COLGALT2: variants seen among roughly 807,000 people sequenced by gnomAD.
The protein encoded by COLGALT2 is collagen beta(1-O)galactosyltransferase 2, also known as procollagen galactosyltransferase 2.
In COLGALT2, 49 loss-of-function variants were observed where a neutral mutation model predicts 73.4. The observed-to-expected ratio is 0.67, with a 90% CI of 0.53 to 0.85. COLGALT2 has a LOEUF of 0.85. Ranked by LOEUF, COLGALT2 falls within the 40% of genes least tolerant of loss-of-function variation. The pLI is 0.00. For missense variants in COLGALT2, 722 were observed against 790.2 expected, an observed-to-expected ratio of 0.91 and a Z score of 1.03; for synonymous variants, 295 against 307.6, an observed-to-expected ratio of 0.96 and a Z score of 0.43.
chr1:183,964,196 C>T lies in COLGALT2; in HGVS notation c.833-176G>A, dbSNP rs1441180135. 1.5e-5 allele frequency: 8 copies of T among 542,214 alleles called. No homozygotes were observed. In the East Asian group the frequency reaches 2.0e-4, roughly 13 times the overall value. 33.6% of individuals were successfully genotyped at this position (542,214 alleles called of 1,614,324 possible). A position where few individuals can be genotyped will look rare whatever the true frequency, so the allele number is the denominator to read the frequency against. ...ATGCTCCTTTATTAAAAAAGTAAAA[C>T]ACAGCATTGGGGACTAATAAAAACA... On this transcript the variant is annotated intron_variant, in intron 5 of 11. Coordinates refer to ENST00000361927, the MANE Select transcript of COLGALT2 (RefSeq NM_015101.4).
chr1:184,000,501 A>G (rs1671890155), intron 1 of COLGALT2, among the ~76,000 whole-genome samples: 1 of 134,012 alleles, frequency 7.5e-6, no homozygotes, highest in Admixed American at 7.6e-5. Flanking sequence ...CCCCATCCCA[A>G]ATGAAATATT....
At position 184,024,477 on chromosome 1, in the gene COLGALT2, C is replaced by T. The variant is rs12097356; in HGVS notation, c.263+12618G>A. Among the ~76,000 whole-genome samples the T allele has an allele frequency of 1.3e-3, 198 of 151,646 alleles. 3 individuals carry two copies. Among genetic ancestry groups the T allele is most frequent in the African/African-American group, 4.5e-3 (185 of 41,340 alleles). On this transcript the variant is annotated intron_variant, in intron 1 of 11. Coordinates refer to ENST00000361927, the MANE Select transcript of COLGALT2 (RefSeq NM_015101.4). ...AAGTGATTCTCCTGCCTCAGCCTCCCGAGTAGCTGAGATTACAGGTGCCCA... is the reference window on the plus strand; with the variant it reads ...AAGTGATTCTCCTGCCTCAGCCTCCTGAGTAGCTGAGATTACAGGTGCCCA...
At chr1:184,003,875 A>G (rs1671996376) in intron 1 of COLGALT2, among the ~76,000 whole-genome samples, 1 of 152,214 alleles carries the variant, frequency 6.6e-6, no homozygotes, top group Admixed American at 6.5e-5. Flanking sequence ...CGACTCTGAA[A>G]GCCCAAATCC....
At chr1:183,999,083 A>G (rs544917684) in intron 1 of COLGALT2, among the ~76,000 whole-genome samples, 2 of 152,124 alleles carry the variant, frequency 1.3e-5, no homozygotes, top group Admixed American at 1.3e-4. Context: ...GATATTTGTT[A>G]CAGTCTGCTT....
In COLGALT2 at chr1:183,978,508, A is replaced by G; in HGVS notation, c.276T>C (p.Asp92=). The change falls in exon 2 of 12, where the codon GAT becomes GAC. Residue 92 remains aspartate (D), a synonymous_variant. Transcript: ENST00000361927. ...KSRMAIWAAT[D]HNVDNTTEIF... The stretch of plus-strand genomic sequence containing the variant: ...TTTCTGTTGTATTATCCACATTGTG[A>G]TCAGTGGCTGCCCTGCATGAGAGAA... 6.2e-7 allele frequency: 1 copy of G among 1,600,940 alleles called. No individual in the cohort carries two copies. Among genetic ancestry groups the G allele is most frequent in the Non-Finnish European group, 8.6e-7 (1 of 1,169,006 alleles).
chr1:183,937,982 A>G lies in COLGALT2; in HGVS notation c.*779T>C. 2 of 985,426 alleles carry G rather than the reference A, an allele frequency of 2.0e-6. No homozygotes were observed. Among genetic ancestry groups the G allele is most frequent in the South Asian group, 9.4e-5 (2 of 21,278 alleles). 61.0% of individuals were successfully genotyped at this position (985,426 alleles called of 1,614,324 possible). On this transcript the variant is annotated 3_prime_UTR_variant, in exon 12 of 12. Coordinates refer to ENST00000361927, the MANE Select transcript of COLGALT2 (RefSeq NM_015101.4). ...CCCTTTATATATTACATTTATCTTTATAAATAGAGCATCCTGACTCGAGTG... is the reference window on the plus strand; with the variant it reads ...CCCTTTATATATTACATTTATCTTTGTAAATAGAGCATCCTGACTCGAGTG...
chr1:183,971,469 C>A (rs1671035660), intron 4 of COLGALT2, among the ~76,000 whole-genome samples: 1 of 152,116 alleles, frequency 6.6e-6, no homozygotes, highest in Non-Finnish European at 1.5e-5. Context: ...ACTAGGATAA[C>A]CCACCCTTGT....
chr1:183,945,499 T>C lies in COLGALT2; in HGVS notation c.1202A>G (p.Tyr401Cys), dbSNP rs781711279. Residue 401 changes from tyrosine to cysteine, a missense_variant, in exon 9 of 12, where the codon TAT becomes TGT. Physicochemically the swap from Tyr to Cys is radical, Grantham distance 194. Coordinates refer to ENST00000361927, the MANE Select transcript of COLGALT2 (RefSeq NM_015101.4). ...ACCCCTTGTTAGAGGCCTGGAGGAA[T>C]AGGGATCTCGATAGCCAGGCAGCAT... ...IEMLPGYRDPYSSRPLTRGEI... is the reference protein window; with the variant it reads ...IEMLPGYRDPCSSRPLTRGEI... The C allele has an allele frequency of 9.3e-6, 15 of 1,614,184 alleles. No homozygotes were observed. Among genetic ancestry groups the C allele is most frequent in the East Asian group, 2.2e-5 (1 of 44,884 alleles).
intron 1 of COLGALT2, among the ~76,000 whole-genome samples, chr1:183,985,722 G>A (rs1296124507): frequency 6.6e-6 from 1 of 152,152 alleles, no homozygotes; most frequent in East Asian, 1.9e-4. Flanking sequence ...ACTGGACAAC[G>A]ACTGATCTAT....
chr1:183,995,934 A>T (rs1287502096), intron 1 of COLGALT2, among the ~76,000 whole-genome samples: 1 of 152,072 alleles, frequency 6.6e-6, no homozygotes, highest in African/African-American at 2.4e-5. Flanking sequence ...CCTTATATTC[A>T]ATCTCAACTG....
chr1:183,962,703 C>A (rs765033408), intron 6 of COLGALT2, among the ~76,000 whole-genome samples: 1 of 152,174 alleles, frequency 6.6e-6, no homozygotes, highest in Non-Finnish European at 1.5e-5. Flanking sequence ...GCCCAGTAGC[C>A]GTGAAATGTC....
chr1:183,969,362 C>A lies in COLGALT2; in HGVS notation c.739G>T (p.Ala247Ser). 6.2e-7 allele frequency: 1 copy of A among 1,613,880 alleles called. No individual in the cohort carries two copies. Among genetic ancestry groups the A allele is most frequent in the Non-Finnish European group, 8.5e-7 (1 of 1,179,908 alleles). The change falls in exon 5 of 12, where the codon GCC becomes TCC. Residue 247 changes from alanine (A) to serine (S), a missense_variant. Transcript: ENST00000361927. ...GGGTAGAAAGTCAGCTTGTCCGAGGCCTCCTTCCTGAGGTCAATTAGGAAG... is the reference window on the plus strand; with the variant it reads ...GGGTAGAAAGTCAGCTTGTCCGAGGACTCCTTCCTGAGGTCAATTAGGAAG... Reference protein sequence around the residue: ...STFLIDLRKEASDKLTFYPPH... With the variant: ...STFLIDLRKESSDKLTFYPPH...
At chr1:183,969,204 A>G in intron 5 of COLGALT2, 65 bp downstream of exon 5, 1 of 1,401,298 alleles carries the variant, frequency 7.1e-7, no homozygotes, top group Non-Finnish European at 9.7e-7. Context: ...AAAATGCACA[A>G]AACAAAGGAG....
At position 183,938,803 on chromosome 1, in the gene COLGALT2, C is replaced by G. The variant is rs201283338; in HGVS notation, c.1839G>C (p.Pro613=). ...SNAKNTEALP[P]PTSLDTVPSR... ...AAGGCACAGTGTCCAGGGAGGTTGGCGGTGGCAGGGCCTCTGTGTTCTTGG... is the reference window on the plus strand; with the variant it reads ...AAGGCACAGTGTCCAGGGAGGTTGGGGGTGGCAGGGCCTCTGTGTTCTTGG... The change falls in exon 12 of 12, where the codon CCG becomes CCC. Residue 613 remains proline (P), a synonymous_variant. Coordinates refer to ENST00000361927, the MANE Select transcript of COLGALT2 (RefSeq NM_015101.4). 6.2e-7 allele frequency: 1 copy of G among 1,614,164 alleles called. No homozygotes were observed. Among genetic ancestry groups the G allele is most frequent in the East Asian group, 2.2e-5 (1 of 44,888 alleles).
intron 2 of COLGALT2, among the ~76,000 whole-genome samples, chr1:183,976,019 T>C (rs989202476): frequency 3.9e-5 from 6 of 152,216 alleles, no homozygotes; most frequent in South Asian, 2.1e-4. Context: ...AGCACAGGAA[T>C]TCTCTGGAAT....
At chr1:183,946,218 A>T (rs1475104813) in intron 8 of COLGALT2, 1 of 152,244 alleles carries the variant, frequency 6.6e-6, no homozygotes, top group Non-Finnish European at 1.5e-5. Context: ...ATTTGTCAAA[A>T]CCCATGAGCA....
At chr1:183,948,917 AT>A (rs1222618518) in intron 8 of COLGALT2, among the ~76,000 whole-genome samples, 2 of 152,194 alleles carry the variant, frequency 1.3e-5, no homozygotes, top group African/African-American at 4.8e-5. Context: ...ACAAAAATCA[AT>A]TGTATTCTTA....
chr1:184,018,567 TA>T (rs970784752), intron 1 of COLGALT2, among the ~76,000 whole-genome samples: 1 of 152,220 alleles, frequency 6.6e-6, no homozygotes, highest in Non-Finnish European at 1.5e-5. Flanking sequence ...ATTTTATTCA[TA>T]GGAAATTTTT....
In COLGALT2 at chr1:183,978,632, T is replaced by C. The variant is rs1258976485; in HGVS notation, c.264-112A>G. 7 of 546,570 alleles carry C rather than the reference T, an allele frequency of 1.3e-5. No homozygotes were observed. In the East Asian group the frequency reaches 2.1e-4, roughly 16 times the overall value. The allele number at this position is 546,570 out of a possible 1,614,324, so 33.9% of individuals were successfully genotyped here. On this transcript the variant is annotated intron_variant, in intron 1 of 11. Transcript: ENST00000361927. ...AGAATGGCTACTCCTGGAAAAAAAA[T>C]TGTATATATGAAAATAATTCCCTCA...
Sources: allele counts gnomAD v4.1 joint callset (sites outside exome capture counted in the v4.1 genomes callset), GRCh38; gene constraint gnomAD v4.1.1; transcripts MANE v1.5; gene names NCBI Gene and HGNC (gene_info 2026-07-23, HGNC 2026-07-21).